GRB14: variants seen among roughly 807,000 people sequenced by gnomAD.
The protein encoded by GRB14 is growth factor receptor bound protein 14, also known as growth factor receptor-bound protein 14.
GRB14 carries 38 observed loss-of-function variants against 69.1 expected under a neutral mutation model. That is an observed-to-expected ratio of 0.55 (90% CI 0.42 to 0.72). The LOEUF is 0.72. Ranked by LOEUF, GRB14 falls within the 30% of genes least tolerant of loss-of-function variation. The probability of loss-of-function intolerance (pLI) is 0.00; values close to 1 mark genes in which losing one functional copy is unlikely to be tolerated. For missense variants in GRB14, 666 were observed against 666.1 expected (o/e 1.00, Z 0.00); for synonymous variants, 247 against 241.3 (o/e 1.02, Z -0.22).
At chr2:164,577,175 C>A (rs1252303486) in intron 2 of GRB14, among the ~76,000 whole-genome samples, 2 of 152,152 alleles carry the variant, frequency 1.3e-5, no homozygotes, top group African/African-American at 4.8e-5. Flanking sequence ...CAAAAAAATT[C>A]TATATAACCT....
chr2:164,538,246 G>A (rs1305324929), intron 3 of GRB14, among the ~76,000 whole-genome samples: 5 of 152,122 alleles, frequency 3.3e-5, no homozygotes, highest in East Asian at 1.9e-4. Flanking sequence ...TCCTCTTCCC[G>A]AGGAGTCTGT....
At chr2:164,611,445 C>A (rs1184115230) in intron 2 of GRB14, among the ~76,000 whole-genome samples, 4 of 151,910 alleles carry the variant, frequency 2.6e-5, no homozygotes, top group Non-Finnish European at 5.9e-5. Flanking sequence ...AGAAAGTGGA[C>A]TCCTTAAATT....
intron 2 of GRB14, among the ~76,000 whole-genome samples, chr2:164,597,396 GT>G (rs1689809370): frequency 6.6e-6 from 1 of 152,204 alleles, no homozygotes; most frequent in Non-Finnish European, 1.5e-5. Context: ...TCAAAATTAT[GT>G]GATAGGGATT....
At chr2:164,579,505 A>G (rs1372612389) in intron 2 of GRB14, among the ~76,000 whole-genome samples, 511 of 30,142 alleles carry the variant, frequency 0.017, 5 homozygotes, top group African/African-American at 0.076. Context: ...ACACTTGCAC[A>G]CACACACACA....
At chr2:164,546,753 C>CCTGAGGACAG (rs1212704572) in intron 3 of GRB14, among the ~76,000 whole-genome samples, 1 of 152,054 alleles carries the variant, frequency 6.6e-6, no homozygotes, top group Non-Finnish European at 1.5e-5. Flanking sequence ...GAGAAATATC[C>CCTGAGGACAG]CTGAGGACAG....
Position 164,493,072 on chromosome 2 carries a change from G to T in GRB14, c.1587C>A (p.Cys529Ter). ...FYQLNKGVLPCKLKHYCARIA... is the reference protein window; with the variant it reads ...FYQLNKGVLP ...TCCTAGCACAATAATGTTTCAACTTGCAAGGAAGAACGCCCTTATTGAGTT... is the reference window on the plus strand; with the variant it reads ...TCCTAGCACAATAATGTTTCAACTTTCAAGGAAGAACGCCCTTATTGAGTT... The change falls in exon 14 of 14, where the codon TGC becomes TGA. Residue 529 changes from cysteine (C) to a stop codon, truncating the protein, a stop_gained. Transcript: ENST00000263915. LOFTEE classifies it high-confidence loss of function. 6.2e-7 allele frequency: 1 copy of T among 1,613,532 alleles called. No homozygotes were observed. Among genetic ancestry groups the T allele is most frequent in the Non-Finnish European group, 8.5e-7 (1 of 1,179,640 alleles).
At chr2:164,561,808 G>T (rs543880319) in intron 2 of GRB14, among the ~76,000 whole-genome samples, 22 of 152,276 alleles carry the variant, frequency 1.4e-4, no homozygotes, top group Middle Eastern at 3.4e-3. Context: ...AATCAATGCT[G>T]AACATGTTGT....
In GRB14 at chr2:164,522,005, T is replaced by C. The variant is rs763869441; in HGVS notation, c.791A>G (p.Tyr264Cys). 2.5e-6 allele frequency: 4 copies of C among 1,603,382 alleles called. No homozygotes were observed. Among genetic ancestry groups the C allele is most frequent in the East Asian group, 4.5e-5 (2 of 44,660 alleles). ...CTTTGATGTTCCTTTAGTAGAAAAA[T>C]ATAAACCAGATCTTCTTAGAAAAAA... ...IYFFLRRSGL[Y>C]FSTKGTSKEP... Residue 264 changes from tyrosine to cysteine, a missense_variant, in exon 6 of 14, where the codon TAT becomes TGT. Transcript: ENST00000263915.
intron 2 of GRB14, among the ~76,000 whole-genome samples, chr2:164,578,512 C>T (rs1318689650): frequency 8.0e-6 from 1 of 124,986 alleles, no homozygotes; most frequent in Non-Finnish European, 1.7e-5. Flanking sequence ...AACGAAAAGA[C>T]AATTCGCGCG....
At chr2:164,614,355 T>A (rs937923943) in intron 2 of GRB14, among the ~76,000 whole-genome samples, 4 of 152,234 alleles carry the variant, frequency 2.6e-5, no homozygotes, top group African/African-American at 9.6e-5. Context: ...GTTGTTTCCA[T>A]CTAAAAATGA....
intron 3 of GRB14, among the ~76,000 whole-genome samples, chr2:164,545,498 C>A (rs1688351568): frequency 1.3e-5 from 2 of 152,114 alleles, no homozygotes. Context: ...CACAAGCCAA[C>A]AAATGCTGGC....
At chr2:164,499,587 T>C (rs543871228) in intron 9 of GRB14, among the ~76,000 whole-genome samples, 24 of 152,262 alleles carry the variant, frequency 1.6e-4, no homozygotes, top group African/African-American at 5.3e-4. Flanking sequence ...TCTTCCTTCT[T>C]AGGAGATGAA....
intron 3 of GRB14, among the ~76,000 whole-genome samples, chr2:164,542,826 G>A (rs759681376): frequency 6.6e-6 from 1 of 152,180 alleles, no homozygotes; most frequent in Non-Finnish European, 1.5e-5. Flanking sequence ...GTGGAAAGTA[G>A]TTTGGAGATT....
At chr2:164,579,501 GCACACACACACACA>G (rs61305070) in intron 2 of GRB14, among the ~76,000 whole-genome samples, 76,006 of 144,968 alleles carry the variant, frequency 0.52, 20,265 homozygotes, top group Non-Finnish European at 0.56. Flanking sequence ...GGGCACACTT[GCACACACACACACA>G]CACACACACA....
chr2:164,614,333 A>G (rs1304986235), intron 2 of GRB14, among the ~76,000 whole-genome samples: 1 of 152,192 alleles, frequency 6.6e-6, no homozygotes, highest in African/African-American at 2.4e-5. Flanking sequence ...GGGCCTAAAT[A>G]CAATTTATGA....
intron 2 of GRB14, chr2:164,568,308 C>G (rs1227126758): frequency 7.8e-7 from 1 of 1,284,948 alleles, no homozygotes; most frequent in African/African-American, 1.5e-5. Context: ...ATAAAGAAGT[C>G]ACATACCCTT....
intron 3 of GRB14, among the ~76,000 whole-genome samples, chr2:164,538,547 A>G (rs559290714): frequency 2.0e-5 from 3 of 152,334 alleles, no homozygotes; most frequent in Admixed American, 6.5e-5. Flanking sequence ...TTTAAATTCA[A>G]TGTCTGTCAA....
chr2:164,602,888 T>C (rs1309225934), intron 2 of GRB14, among the ~76,000 whole-genome samples: 1 of 152,220 alleles, frequency 6.6e-6, no homozygotes, highest in Non-Finnish European at 1.5e-5. Flanking sequence ...ATATGTTATT[T>C]GAAGCTAGCT....
chr2:164,605,636 A>G (rs1178823798), intron 2 of GRB14, among the ~76,000 whole-genome samples: 3 of 152,234 alleles, frequency 2.0e-5, no homozygotes, highest in Non-Finnish European at 4.4e-5. Context: ...AGTAGTCAAA[A>G]TGTCTAAAAC....
Sources: gnomAD v4.1 joint callset for allele counts (sites outside exome capture counted in the v4.1 genomes callset) on GRCh38, gnomAD v4.1.1 for gene constraint, MANE v1.5 for transcripts, NCBI Gene and HGNC (gene_info 2026-07-23, HGNC 2026-07-21) for gene names.